Variants in IGFBP7 observed in about 807,000 individuals in gnomAD.
The protein encoded by IGFBP7 is insulin-like growth factor-binding protein 7.
In IGFBP7, 31 loss-of-function variants were observed where a neutral mutation model predicts 29.4. That is an observed-to-expected ratio of 1.05 (90% CI 0.79 to 1.42). The LOEUF is 1.42. Among genes scored for constraint, IGFBP7 ranks in the 40% most tolerant of loss-of-function variants. IGFBP7 has a pLI of 0.00. For missense variants in IGFBP7, 393 were observed against 395.5 expected (o/e 0.99, Z 0.05); for synonymous variants, 172 against 174.9 (o/e 0.98, Z 0.13).
intron 1 of IGFBP7, among the ~76,000 whole-genome samples, chr4:57,066,712 C>A (rs190047655): frequency 6.6e-6 from 1 of 151,578 alleles, no homozygotes; most frequent in Non-Finnish European, 1.5e-5. Context: ...TACAGGTATG[C>A]GCCACCATGC....
intron 2 of IGFBP7, among the ~76,000 whole-genome samples, chr4:57,036,457 A>G (rs1682511523): frequency 6.6e-6 from 1 of 152,070 alleles, no homozygotes; most frequent in African/African-American, 2.4e-5. Context: ...CAAGAAAAGA[A>G]TTAAACAGAG....
intron 1 of IGFBP7, among the ~76,000 whole-genome samples, chr4:57,048,058 C>CT (rs113555035): frequency 5.0e-4 from 72 of 144,520 alleles, no homozygotes; most frequent in East Asian, 1.0e-3. Context: ...CTCCGCCCCC[C>CT]TTTTTTTTTT....
chr4:57,109,965 G>T lies in IGFBP7; in HGVS notation c.387C>A (p.Ser129Arg), dbSNP rs2109812496. 1.3e-6 allele frequency: 2 copies of T among 1,548,564 alleles called. No homozygotes were observed. The highest frequency in any genetic ancestry group is 1.4e-5 in the African/African-American group (1 of 73,832). The change falls in exon 1 of 5, where the codon AGC (serine) becomes AGA (arginine). Residue 129 changes from serine (S) to arginine (R), a missense_variant. Physicochemically the swap from Ser to Arg is moderately radical, Grantham distance 110 (BLOSUM62 -1). Coordinates refer to ENST00000295666, the MANE Select transcript of IGFBP7 (RefSeq NM_001553.3). ...VCGSDGTTYP[S>R]GCQLRAASQR... ...GGCTGGCGGCGCGCAGCTGGCAGCC[G>T]CTCGGGTAGGTGGTGCCGTCGCTGC...
intron 1 of IGFBP7, among the ~76,000 whole-genome samples, chr4:57,105,393 T>G (rs1391911753): frequency 6.6e-6 from 1 of 152,234 alleles, no homozygotes; most frequent in Non-Finnish European, 1.5e-5. Flanking sequence ...ATTAGACATG[T>G]GTTTAAAGAA....
At chr4:57,068,083 T>C (rs1309594782) in intron 1 of IGFBP7, among the ~76,000 whole-genome samples, 2 of 151,936 alleles carry the variant, frequency 1.3e-5, no homozygotes, top group Admixed American at 6.6e-5. Context: ...TCACAGCACT[T>C]TGGGAGGCTG....
At chr4:57,101,074 C>T (rs939738321) in intron 1 of IGFBP7, among the ~76,000 whole-genome samples, 5 of 152,344 alleles carry the variant, frequency 3.3e-5, no homozygotes, top group South Asian at 2.1e-4. Flanking sequence ...TAATTCTTTA[C>T]AGTTATTTGG....
At chr4:57,062,678 T>C (rs1724826792) in intron 1 of IGFBP7, among the ~76,000 whole-genome samples, 1 of 152,224 alleles carries the variant, frequency 6.6e-6, no homozygotes, top group Admixed American at 6.5e-5. Flanking sequence ...AATCAGTATT[T>C]GAAAATATGC....
intron 3 of IGFBP7, 35 bp from the exon 4 acceptor site, chr4:57,032,587 G>C: frequency 6.5e-7 from 1 of 1,528,436 alleles, no homozygotes; most frequent in Non-Finnish European, 9.1e-7. Context: ...TTCCTCTGTG[G>C]TGGTCTTCTC....
intron 1 of IGFBP7, among the ~76,000 whole-genome samples, chr4:57,058,048 G>A (rs1724714480): frequency 6.6e-6 from 1 of 152,144 alleles, no homozygotes; most frequent in Non-Finnish European, 1.5e-5. Context: ...CATGGTCTGT[G>A]GAACAGAGAG....
chr4:57,076,859 A>G (rs1344418925), intron 1 of IGFBP7, among the ~76,000 whole-genome samples: 1 of 152,228 alleles, frequency 6.6e-6, no homozygotes, highest in Non-Finnish European at 1.5e-5. Flanking sequence ...GATATCCAAC[A>G]ATAAAGAGAC....
At chr4:57,106,188 G>A (rs567156714) in intron 1 of IGFBP7, among the ~76,000 whole-genome samples, 33 of 152,290 alleles carry the variant, frequency 2.2e-4, no homozygotes, top group Non-Finnish European at 3.5e-4. Context: ...TTACAGGCGT[G>A]AGCCATGGCG....
chr4:57,081,758 A>C (rs1725377673), intron 1 of IGFBP7, among the ~76,000 whole-genome samples: 1 of 152,158 alleles, frequency 6.6e-6, no homozygotes, highest in African/African-American at 2.4e-5. Flanking sequence ...TTTTAAAACA[A>C]AGCCCCAGCA....
chr4:57,041,761 ATTCCTGGC>A (rs892842677), intron 1 of IGFBP7, among the ~76,000 whole-genome samples: 31 of 152,152 alleles, frequency 2.0e-4, no homozygotes, highest in African/African-American at 7.5e-4. Flanking sequence ...CTGGTCCCGA[ATTCCTGGC>A]TTCAAGTAAT....
chr4:57,098,639 T>C (rs762725058), intron 1 of IGFBP7, among the ~76,000 whole-genome samples: 24 of 152,168 alleles, frequency 1.6e-4, no homozygotes, highest in Non-Finnish European at 3.2e-4. Context: ...AGCGTCTTGA[T>C]CTCTGCCCCA....
intron 1 of IGFBP7, among the ~76,000 whole-genome samples, chr4:57,044,671 T>C (rs574608733): frequency 1.3e-5 from 2 of 151,562 alleles, no homozygotes; most frequent in East Asian, 1.9e-4. Context: ...ACCCACTGTA[T>C]ATGTGTGCGT....
At chr4:57,069,443 T>A (rs1393809499) in intron 1 of IGFBP7, among the ~76,000 whole-genome samples, 1 of 151,968 alleles carries the variant, frequency 6.6e-6, no homozygotes, top group Non-Finnish European at 1.5e-5. Context: ...AAACAAAAAA[T>A]AAAAAATTAG....
intron 1 of IGFBP7, among the ~76,000 whole-genome samples, chr4:57,078,222 C>T (rs577182338): frequency 3.3e-5 from 5 of 152,210 alleles, no homozygotes; most frequent in African/African-American, 9.6e-5. Flanking sequence ...TTAACCCTCA[C>T]GACAGCCCTG....
chr4:57,033,145 G>GT, intron 3 of IGFBP7, 50 bp downstream of exon 3: 1 of 1,292,750 alleles, frequency 7.7e-7, no homozygotes, highest in South Asian at 1.2e-5. Context: ...GTCTGCTTAT[G>GT]TCTAATGCTA....
chr4:57,032,535 C>G lies in IGFBP7; in HGVS notation c.720G>C (p.Lys240Asn). 1 of 1,613,718 alleles carries G rather than the reference C, an allele frequency of 6.2e-7. No individual in the cohort carries two copies. Among genetic ancestry groups the G allele is most frequent in the East Asian group, 2.2e-5 (1 of 44,864 alleles). ...GGCACTCATATTCTCCAGCATCTTCCTTACTTAGAGGAGATACCTGTGAAA... is the reference window on the plus strand; with the variant it reads ...GGCACTCATATTCTCCAGCATCTTCGTTACTTAGAGGAGATACCTGTGAAA... Reference protein sequence around the residue: ...TGWVLVSPLSKEDAGEYECHA... With the variant: ...TGWVLVSPLSNEDAGEYECHA... Residue 240 changes from lysine to asparagine, a missense_variant, in exon 4 of 5, where the codon AAG becomes AAC. By Grantham distance (94) the Lys-to-Asn change is moderately conservative (BLOSUM62 0). Coordinates refer to ENST00000295666, the MANE Select transcript of IGFBP7 (RefSeq NM_001553.3).
Sources: gnomAD v4.1 joint callset for allele counts (sites outside exome capture counted in the v4.1 genomes callset) on GRCh38, gnomAD v4.1.1 for gene constraint, MANE v1.5 for transcripts, NCBI Gene and HGNC (gene_info 2026-07-23, HGNC 2026-07-21) for gene names.